The following ZBTB25 variants were observed in gnomAD, a reference collection of about 807,000 sequenced individuals.
ZBTB25 encodes the protein zinc finger and BTB domain-containing protein 25.
In ZBTB25, 20 loss-of-function variants were observed where a neutral mutation model predicts 34.2. The ratio of observed to expected loss-of-function variants is 0.58; its 90% confidence interval spans 0.41 to 0.85. ZBTB25 has a LOEUF of 0.85. Among genes scored for constraint, ZBTB25 ranks in the 40% least tolerant of loss-of-function variants. The pLI, the probability that ZBTB25 is intolerant of heterozygous loss-of-function variation, is 0.00. For synonymous variants in ZBTB25, 175 were observed against 186.4 expected (o/e 0.94, Z 0.50); for missense variants, 437 against 521.8 (o/e 0.84, Z 1.58).
chr14:64,466,979 AC>A (rs1416427229), intron 2 of ZBTB25: 15 of 152,200 alleles, frequency 9.9e-5, no homozygotes. Flanking sequence ...TAGTTCCTGA[AC>A]CAAAAAAATA....
In ZBTB25 at chr14:64,486,070, C is replaced by A; in HGVS notation, c.*853G>T. The A allele has an allele frequency of 1.1e-6, 1 of 947,552 alleles. No individual in the cohort carries two copies. The highest frequency in any genetic ancestry group is 1.3e-6 in the Non-Finnish European group (1 of 795,856). 58.7% of individuals were successfully genotyped at this position (947,552 alleles called of 1,614,324 possible). A position where few individuals can be genotyped will look rare whatever the true frequency, so the allele number is the denominator to read the frequency against. On this transcript the variant is annotated 3_prime_UTR_variant, in exon 3 of 3. Transcript: ENST00000608382. Reference sequence around the variant, plus strand: ...ATCCCAGCACTTTGGGAGGCCAAGGCGGGCAGATGACGAGGTCAGGAGATC... The same window carrying A: ...ATCCCAGCACTTTGGGAGGCCAAGGAGGGCAGATGACGAGGTCAGGAGATC...
At chr14:64,504,834 C>G, upstream of ZBTB25, 2 of 393,378 alleles carry the variant, frequency 5.1e-6, no homozygotes, top group Non-Finnish European at 9.0e-6. Flanking sequence ...CGCCGAGCGC[C>G]GCGCGCCGCC....
At position 64,484,927 on chromosome 14, in the gene ZBTB25, A is replaced by G; in HGVS notation, c.*1996T>C. On this transcript the variant is annotated 3_prime_UTR_variant, in exon 3 of 3. Transcript: ENST00000608382. ...GTGAATTGGTAGAAAAAAGTTTAAG[A>G]TTAGACAAAGTTCTGACCCCAAAGA... 1 of 910,184 alleles carries G rather than the reference A, an allele frequency of 1.1e-6. No individual in the cohort carries two copies. The highest frequency in any genetic ancestry group is 1.3e-6 in the Non-Finnish European group (1 of 761,554). The allele number at this position is 910,184 out of a possible 1,614,324, so 56.4% of individuals were successfully genotyped here.
intron 2 of ZBTB25, chr14:64,470,935 C>T (rs1338535765): frequency 6.0e-6 from 1 of 166,922 alleles, no homozygotes; most frequent in Non-Finnish European, 1.5e-5. Flanking sequence ...CAAAGCCAGC[C>T]TGGTAGTAAT....
intron 1 of ZBTB25, among the ~76,000 whole-genome samples, chr14:64,496,726 C>T (rs2079291182): frequency 6.6e-6 from 1 of 152,160 alleles, no homozygotes; most frequent in African/African-American, 2.4e-5. Flanking sequence ...GCTGGACTCT[C>T]TTATCTGATT....
Position 64,469,071 on chromosome 14 carries a change from G to A in ZBTB25, c.174-19433C>T, listed in dbSNP as rs1439495909. 1.9e-6 allele frequency: 3 copies of A among 1,613,892 alleles called. No individual in the cohort carries two copies. In the African/African-American group the frequency reaches 4.0e-5, roughly 22 times the overall value. ...AATGGGCATTCTGCTATTCAAACGGGAACTCTAATCCTTGAAGAAATTGAA... is the reference window on the plus strand; with the variant it reads ...AATGGGCATTCTGCTATTCAAACGGAAACTCTAATCCTTGAAGAAATTGAA... On this transcript the variant is annotated intron_variant, in intron 2 of 2. Transcript: ENST00000555220.
intron 1 of ZBTB25, among the ~76,000 whole-genome samples, chr14:64,495,895 C>T (rs780189291): frequency 6.6e-6 from 1 of 150,766 alleles, no homozygotes; most frequent in African/African-American, 2.4e-5. Context: ...GCAGAGGTTG[C>T]GGTAAGCTGA....
downstream of ZBTB25, among the ~76,000 whole-genome samples, chr14:64,476,659 A>C (rs915134046): frequency 3.9e-5 from 6 of 152,208 alleles, no homozygotes; most frequent in African/African-American, 1.4e-4. Context: ...CAGAATGACT[A>C]AGTTAGAACT....
At chr14:64,458,105 G>A (rs2078504461) in intron 2 of ZBTB25, 2 of 844,382 alleles carry the variant, frequency 2.4e-6, no homozygotes, top group South Asian at 1.3e-5. Context: ...TGCCCAGGGT[G>A]GTTTAGAACT....
intron 2 of ZBTB25, among the ~76,000 whole-genome samples, chr14:64,465,950 A>G (rs986842885): frequency 6.6e-6 from 1 of 152,082 alleles, no homozygotes; most frequent in Non-Finnish European, 1.5e-5. Flanking sequence ...AAGCTGGGTT[A>G]TCTGTTCCAC....
chr14:64,474,701 A>T (rs528159000), downstream of ZBTB25, among the ~76,000 whole-genome samples: 2 of 152,358 alleles, frequency 1.3e-5, no homozygotes, highest in African/African-American at 4.8e-5. Context: ...ACAATGCTGA[A>T]CTAATTCAGC....
At chr14:64,472,376 C>T (rs527968530) in intron 2 of ZBTB25, 34 of 166,896 alleles carry the variant, frequency 2.0e-4, no homozygotes, top group African/African-American at 8.0e-4. Context: ...TAGTACTTAG[C>T]AGTTATTGGA....
In ZBTB25 at chr14:64,488,024, T is replaced by C; in HGVS notation, c.207A>G (p.Gln69=). ...ECIKIQPTDI[Q]PDIFSYLLHI... ...GCAACAAATAGCTGAATATGTCAGG[T>C]TGGATGTCAGTTGGTTGTATTTTTA... Residue 69 remains glutamine (Q), a synonymous_variant, in exon 3 of 3, where the codon CAA becomes CAG. Transcript: ENST00000608382. 1 of 1,612,626 alleles carries C rather than the reference T, an allele frequency of 6.2e-7. No individual in the cohort carries two copies. Among genetic ancestry groups the C allele is most frequent in the Non-Finnish European group, 8.5e-7 (1 of 1,178,732 alleles).
upstream of ZBTB25, chr14:64,505,193 C>A (rs1295248491): frequency 1.9e-5 from 6 of 321,138 alleles, no homozygotes; most frequent in Non-Finnish European, 2.8e-5. Context: ...GAGACTAGTT[C>A]CCAAATTAGT....
At position 64,484,977 on chromosome 14, in the gene ZBTB25, C is replaced by T. The variant is rs569077704; in HGVS notation, c.*1946G>A. On this transcript the variant is annotated 3_prime_UTR_variant, in exon 3 of 3. Transcript: ENST00000608382. ...AACATACATTTGTTTTAATTACTCC[C>T]AATACAATTGATCTTATCAAGTTAG... is the stretch of plus-strand genomic sequence containing the variant. 2.0e-6 allele frequency: 2 copies of T among 983,190 alleles called. No homozygotes were observed. Among genetic ancestry groups the T allele is most frequent in the East Asian group, 1.1e-4 (1 of 8,804 alleles). 60.9% of individuals were successfully genotyped at this position (983,190 alleles called of 1,614,324 possible). A position where few individuals can be genotyped will look rare whatever the true frequency, so the allele number is the denominator to read the frequency against.
In ZBTB25 at chr14:64,487,665, G is replaced by A; in HGVS notation, c.566C>T (p.Ala189Val). The A allele has an allele frequency of 6.2e-7, 1 of 1,605,908 alleles. No homozygotes were observed. The highest frequency in any genetic ancestry group is 8.5e-7 in the Non-Finnish European group (1 of 1,176,226). The part of the protein sequence containing the change: ...GTADQQRACP[A>V]TQALEEHQKP... ...CTGGTGCTCCTCCAGGGCCTGGGTGGCAGGACAGGCCCTCTGCTGGTCTGC... is the reference window on the plus strand; with the variant it reads ...CTGGTGCTCCTCCAGGGCCTGGGTGACAGGACAGGCCCTCTGCTGGTCTGC... Residue 189 changes from alanine to valine, a missense_variant, in exon 3 of 3, where the codon GCC (alanine) becomes GTC (valine). Coordinates refer to ENST00000608382, the MANE Select transcript of ZBTB25 (RefSeq NM_006977.5).
At chr14:64,492,710 G>T (rs779665500) in intron 1 of ZBTB25, among the ~76,000 whole-genome samples, 2 of 151,868 alleles carry the variant, frequency 1.3e-5, no homozygotes, top group Non-Finnish European at 2.9e-5. Flanking sequence ...ACACTAATAA[G>T]CCACCCATAC....
intron 2 of ZBTB25, among the ~76,000 whole-genome samples, chr14:64,465,988 T>G (rs573590089): frequency 2.0e-5 from 3 of 152,318 alleles, no homozygotes; most frequent in Non-Finnish European, 2.9e-5. Flanking sequence ...TTTTGAGTAC[T>G]TTATCCTGCG....
At chr14:64,488,761 GGA>G (rs2078968572) in intron 2 of ZBTB25, among the ~76,000 whole-genome samples, 1 of 152,122 alleles carries the variant, frequency 6.6e-6, no homozygotes, top group African/African-American at 2.4e-5. Context: ...GGTGAGATGG[GGA>G]GTTATTGCTT....
Sources: allele counts gnomAD v4.1 joint callset (sites outside exome capture counted in the v4.1 genomes callset), GRCh38; gene constraint gnomAD v4.1.1; transcripts MANE v1.5; gene names NCBI Gene and HGNC (gene_info 2026-07-23, HGNC 2026-07-21).